The following PHF24 variants were observed in gnomAD, a reference collection of about 807,000 sequenced individuals.
PHF24 encodes Galpha inhibitory interacting protein.
A neutral mutation model predicts 42.6 loss-of-function variants in PHF24; 25 were observed. That is an observed-to-expected ratio of 0.59 (90% CI 0.43 to 0.82). The LOEUF (loss-of-function observed/expected upper bound fraction) is 0.82, where lower values mean the gene tolerates loss of function less well. Among genes scored for constraint, PHF24 ranks in the 40% least tolerant of loss-of-function variants. PHF24 has a pLI of 0.00. For synonymous variants in PHF24, 185 were observed against 204.8 expected (o/e 0.90, Z 0.83); for missense variants, 470 against 538.1 (o/e 0.87, Z 1.25).
chr9:34,750,523 TAAA>T, the PHF24 span, among the ~76,000 whole-genome samples: 1 of 149,558 alleles, frequency 6.7e-6, no homozygotes, highest in African/African-American at 2.4e-5. Context: ...AATAAATAAA[TAAA>T]TAAATAAATA....
chr9:34,946,728 G>A, the PHF24 span, among the ~76,000 whole-genome samples: 5 of 152,118 alleles, frequency 3.3e-5, no homozygotes, highest in Non-Finnish European at 7.3e-5. Context: ...ACAAAGAGAA[G>A]GCAGGAAGGA....
chr9:34,801,964 G>T, the PHF24 span, among the ~76,000 whole-genome samples: 3 of 152,010 alleles, frequency 2.0e-5, no homozygotes, highest in Non-Finnish European at 2.9e-5. Context: ...TGCATGCAGG[G>T]CTTAAAACCT....
chr9:34,971,943 A>G (rs1415201444), intron 2 of PHF24, among the ~76,000 whole-genome samples: 1 of 152,146 alleles, frequency 6.6e-6, no homozygotes, highest in Non-Finnish European at 1.5e-5. Flanking sequence ...TGGGTTTTCA[A>G]CCATGGATAG....
chr9:34,875,944 A>ACTCTCTCTCTCTCTCTCT, the PHF24 span, among the ~76,000 whole-genome samples: 6 of 85,680 alleles, frequency 7.0e-5, no homozygotes, highest in African/African-American at 2.6e-4. Flanking sequence ...ACACACACAC[A>ACTCTCTCTCTCTCTCTCT]CACACACTCT....
chr9:34,843,375 G>A, the PHF24 span, among the ~76,000 whole-genome samples: 54,495 of 151,986 alleles, frequency 0.36, 10,131 homozygotes, highest in East Asian at 0.67. Context: ...AATAAAAATT[G>A]TAACAAGTTA....
the PHF24 span, among the ~76,000 whole-genome samples, chr9:34,865,179 G>T: frequency 4.2e-5 from 6 of 141,400 alleles, no homozygotes; most frequent in South Asian, 1.3e-3. Flanking sequence ...CAAAGTTAAG[G>T]TATAGAGTTT....
chr9:34,953,327 T>A (rs1826302509), upstream of PHF24, among the ~76,000 whole-genome samples: 1 of 152,206 alleles, frequency 6.6e-6, no homozygotes, highest in Middle Eastern at 3.2e-3. The surrounding 1 kb of genome is among the most constrained non-coding windows in gnomAD (Gnocchi z 4.1). Flanking sequence ...TTTTATCTTT[T>A]ATTGTAGAGA....
At chr9:34,839,644 C>T in the PHF24 span, among the ~76,000 whole-genome samples, 1 of 152,154 alleles carries the variant, frequency 6.6e-6, no homozygotes, top group African/African-American at 2.4e-5. Flanking sequence ...CCATCCTTTA[C>T]CTCACTGGCA....
the PHF24 span, among the ~76,000 whole-genome samples, chr9:34,881,406 A>T: frequency 8.2e-4 from 125 of 152,302 alleles, 1 homozygote; most frequent in Admixed American, 2.2e-3. Flanking sequence ...CTTCAAAAAA[A>T]TCAATGAATC....
At chr9:34,973,450 A>G (rs2132914258) in intron 3 of PHF24, among the ~76,000 whole-genome samples, 1 of 152,342 alleles carries the variant, frequency 6.6e-6, no homozygotes, top group South Asian at 2.1e-4. Flanking sequence ...ACTTTTAATG[A>G]AGGACAGAGT....
At chr9:34,926,383 C>G in the PHF24 span, among the ~76,000 whole-genome samples, 1 of 151,984 alleles carries the variant, frequency 6.6e-6, no homozygotes, top group Non-Finnish European at 1.5e-5. This position sits in a 1 kb window ranked among gnomAD's most constrained non-coding sequence, Gnocchi z 4.3. Context: ...GAGAGGCCAG[C>G]AGGGCTGTCT....
the PHF24 span, chr9:34,836,965 C>T: frequency 5.0e-6 from 2 of 402,472 alleles, no homozygotes; most frequent in South Asian, 3.9e-5. Context: ...GTATGTCTCC[C>T]TCCCAGCCAT....
chr9:34,707,506 T>A, the PHF24 span, among the ~76,000 whole-genome samples: 4 of 152,206 alleles, frequency 2.6e-5, no homozygotes. Flanking sequence ...ATTTCTTGCA[T>A]ATCTGAGTTT....
the PHF24 span, among the ~76,000 whole-genome samples, chr9:34,677,471 A>ACTGTAAGC: frequency 7.5e-6 from 1 of 133,966 alleles, no homozygotes; most frequent in African/African-American, 2.9e-5. Context: ...ATCTTGGCTC[A>ACTGTAAGC]CTGTAAGCTC....
the PHF24 span, chr9:34,894,519 A>G: frequency 2.5e-6 from 1 of 398,614 alleles, no homozygotes; most frequent in Non-Finnish European, 4.4e-6. Flanking sequence ...AACAGAAGAT[A>G]GTGAGTGTTA....
intron 3 of PHF24, among the ~76,000 whole-genome samples, chr9:34,974,392 T>G (rs1400625663): frequency 6.6e-6 from 1 of 152,212 alleles, no homozygotes; most frequent in African/African-American, 2.4e-5. Flanking sequence ...TCTTTAGGAT[T>G]TAAGTATTTT....
At chr9:34,781,452 G>C in the PHF24 span, among the ~76,000 whole-genome samples, 1 of 152,220 alleles carries the variant, frequency 6.6e-6, no homozygotes, top group Non-Finnish European at 1.5e-5. Flanking sequence ...GAGGCAAGGA[G>C]AGCGGGGAAT....
At chr9:34,844,861 T>A in the PHF24 span, among the ~76,000 whole-genome samples, 2 of 152,316 alleles carry the variant, frequency 1.3e-5, no homozygotes, top group Admixed American at 6.5e-5. Flanking sequence ...ATAGTTTAAG[T>A]CCAATGTTTC....
chr9:34,976,590 G>C, exon 5 of PHF24: 3 of 1,614,168 alleles, frequency 1.9e-6, no homozygotes, highest in Non-Finnish European at 2.5e-6. Context: ...CAGCCAAGCG[G>C]GGGGACCGTG....
Sources: gnomAD v4.1 joint callset for allele counts (sites outside exome capture counted in the v4.1 genomes callset) on GRCh38, gnomAD v4.1.1 for gene constraint, Gnocchi (gnomAD v3.1) non-coding constraint, MANE v1.5 for transcripts, NCBI Gene and HGNC (gene_info 2026-07-23, HGNC 2026-07-21) for gene names.